The following FARS2 variants were observed in gnomAD, a reference collection of about 807,000 sequenced individuals.
The protein encoded by FARS2 is phenylalanyl-tRNA synthetase 2, mitochondrial.
A neutral mutation model predicts 46.4 loss-of-function variants in FARS2; 40 were observed. The observed-to-expected ratio is 0.86, with a 90% CI of 0.67 to 1.12. FARS2 has a LOEUF of 1.12. Ranked by LOEUF, FARS2 falls within the 50% of genes most tolerant of loss-of-function variation. FARS2 has a pLI of 0.00. For missense variants in FARS2, 513 were observed against 567.9 expected (o/e 0.90, Z 0.98); for synonymous variants, 234 against 214.9 (o/e 1.09, Z -0.78).
chr6:5,511,045 TTC>T (rs1768420133), intron 4 of FARS2, among the ~76,000 whole-genome samples: 1 of 152,166 alleles, frequency 6.6e-6, no homozygotes, highest in East Asian at 1.9e-4. Context: ...TGAGCTTCCC[TTC>T]TCTCTCAAGA....
At chr6:5,695,832 T>C (rs1273367323) in intron 6 of FARS2, among the ~76,000 whole-genome samples, 3 of 152,200 alleles carry the variant, frequency 2.0e-5, no homozygotes, top group Non-Finnish European at 2.9e-5. Flanking sequence ...GGATCAGGAA[T>C]GTATAACAAA....
chr6:5,265,887 C>A (rs1765519209), intron 1 of FARS2, among the ~76,000 whole-genome samples: 1 of 152,110 alleles, frequency 6.6e-6, no homozygotes, highest in African/African-American at 2.4e-5. Flanking sequence ...ACACCTCAGA[C>A]CAACAGCAGT....
chr6:5,493,407 T>C (rs1470858438), intron 4 of FARS2, among the ~76,000 whole-genome samples: 3 of 152,140 alleles, frequency 2.0e-5, no homozygotes, highest in African/African-American at 7.2e-5. Context: ...ACTTAAGAAA[T>C]ACTGCTTTAA....
intron 4 of FARS2, among the ~76,000 whole-genome samples, chr6:5,467,643 A>G (rs557570609): frequency 6.6e-6 from 1 of 151,930 alleles, no homozygotes; most frequent in East Asian, 1.9e-4. Context: ...AGTAGCTTCC[A>G]CTCTCTTCTG....
At chr6:5,520,801 T>C (rs553244536) in intron 4 of FARS2, among the ~76,000 whole-genome samples, 1 of 149,896 alleles carries the variant, frequency 6.7e-6, no homozygotes, top group African/African-American at 2.4e-5. Flanking sequence ...AAGTAAAATA[T>C]TGATTAAAAA....
chr6:5,308,169 CA>C (rs1421581024), intron 1 of FARS2, among the ~76,000 whole-genome samples: 1 of 151,540 alleles, frequency 6.6e-6, no homozygotes, highest in African/African-American at 2.4e-5. Flanking sequence ...GGCCTCAAGG[CA>C]AAAAAGGGAG....
chr6:5,278,761 C>G (rs911579222), intron 1 of FARS2, among the ~76,000 whole-genome samples: 3 of 152,164 alleles, frequency 2.0e-5, no homozygotes, highest in Non-Finnish European at 2.9e-5. Context: ...AGCCTTCCCC[C>G]TCTCCACCCC....
At chr6:5,641,662 G>A (rs1018270909) in intron 6 of FARS2, among the ~76,000 whole-genome samples, 1 of 152,230 alleles carries the variant, frequency 6.6e-6, no homozygotes, top group Admixed American at 6.5e-5. Context: ...GGCAGGTAAT[G>A]AAACTCAGGA....
rs940507086 is a variant in FARS2 at position 5,765,582 on chromosome 6, C to T, written c.1218-5709C>T. Among the ~76,000 whole-genome samples, 9 of 152,110 alleles carry T rather than the reference C, an allele frequency of 5.9e-5. No individual in the cohort carries two copies. The highest frequency in any genetic ancestry group is 1.0e-4 in the Non-Finnish European group (7 of 68,014). On this transcript the variant is annotated intron_variant, in intron 6 of 6. Coordinates refer to ENST00000274680, the MANE Select transcript of FARS2 (RefSeq NM_006567.5). This position sits in a 1 kb window ranked among gnomAD's most constrained non-coding sequence, Gnocchi z 4.0. ...GCCGCACTGTACTAGACAAACAGCG[C>T]GTGTCAGTGTTCTCGGGGAGGTGGG... is the stretch of plus-strand genomic sequence containing the variant.
intron 4 of FARS2, among the ~76,000 whole-genome samples, chr6:5,522,281 T>C (rs1296147498): frequency 6.6e-6 from 1 of 152,232 alleles, no homozygotes; most frequent in Non-Finnish European, 1.5e-5. Context: ...TCTGTCTATC[T>C]GTCTGCTTAG....
intron 6 of FARS2, among the ~76,000 whole-genome samples, chr6:5,711,975 G>A (rs1759201200): frequency 6.6e-6 from 1 of 152,142 alleles, no homozygotes; most frequent in Admixed American, 6.5e-5. Context: ...GGACTCTGCA[G>A]TATCTTTCCA....
intron 3 of FARS2, among the ~76,000 whole-genome samples, chr6:5,419,317 AT>A (rs1215719508): frequency 1.3e-5 from 2 of 152,226 alleles, no homozygotes; most frequent in African/African-American, 4.8e-5. Context: ...AAACACACTT[AT>A]TTTAAAGTCT....
chr6:5,324,762 G>A (rs1326006450), intron 1 of FARS2, among the ~76,000 whole-genome samples: 2 of 152,078 alleles, frequency 1.3e-5, no homozygotes, highest in African/African-American at 2.4e-5. Flanking sequence ...TCCGGGCTTG[G>A]CTGGCAGCCC....
intron 6 of FARS2, among the ~76,000 whole-genome samples, chr6:5,739,202 A>G (rs915899646): frequency 6.6e-6 from 1 of 152,192 alleles, no homozygotes; most frequent in African/African-American, 2.4e-5. Context: ...GTATCAAAAA[A>G]TGAAGAATCC....
intron 1 of FARS2, among the ~76,000 whole-genome samples, chr6:5,296,327 G>A (rs992660036): frequency 2.6e-5 from 4 of 151,768 alleles, no homozygotes; most frequent in Non-Finnish European, 4.4e-5. Context: ...ATTTTTAGTA[G>A]AGATGGGGTT....
chr6:5,667,531 A>AGATT lies in FARS2; in HGVS notation c.1217+54211_1217+54212insGATT, dbSNP rs1554123157. ...AGACACCGTCTCAAGAAAAAAAAAA[A>AGATT]AAGATTATATTCTTTGTTGAATATA... On this transcript the variant is annotated intron_variant, in intron 6 of 6. Coordinates refer to ENST00000274680, the MANE Select transcript of FARS2 (RefSeq NM_006567.5). Among the ~76,000 whole-genome samples, 157 of 150,656 alleles carry AGATT rather than the reference A, an allele frequency of 1.0e-3. 3 individuals are homozygous for AGATT. Among genetic ancestry groups the AGATT allele is most frequent in the African/African-American group, 6.8e-4 (28 of 40,996 alleles).
intron 4 of FARS2, among the ~76,000 whole-genome samples, chr6:5,515,356 GTCATT>G (rs774064836): frequency 1.3e-5 from 2 of 152,118 alleles, no homozygotes; most frequent in Non-Finnish European, 2.9e-5. Context: ...CTATGATATA[GTCATT>G]TCATGGGGAT....
At chr6:5,691,854 C>A (rs1010206799) in intron 6 of FARS2, among the ~76,000 whole-genome samples, 7 of 152,198 alleles carry the variant, frequency 4.6e-5, no homozygotes, top group African/African-American at 1.7e-4. Flanking sequence ...AGCTTCCTGG[C>A]CGCTTTGTTT....
intron 3 of FARS2, among the ~76,000 whole-genome samples, chr6:5,412,617 C>G (rs1761998941): frequency 6.6e-6 from 1 of 152,052 alleles, no homozygotes; most frequent in African/African-American, 2.4e-5. Context: ...ATTTTTTTAT[C>G]CATGAGGCTC....
Sources: gnomAD v4.1 joint callset for allele counts (sites outside exome capture counted in the v4.1 genomes callset) on GRCh38, gnomAD v4.1.1 for gene constraint, Gnocchi (gnomAD v3.1) non-coding constraint, MANE v1.5 for transcripts, NCBI Gene and HGNC (gene_info 2026-07-23, HGNC 2026-07-21) for gene names.